The following PSMA1 variants were observed in gnomAD, a reference collection of about 807,000 sequenced individuals.
PSMA1 encodes proteasome subunit alpha type-1.
In PSMA1, 3 loss-of-function variants were observed where a neutral mutation model predicts 38.4. The ratio of observed to expected loss-of-function variants is 0.08; its 90% CI spans 0.04 to 0.20. The LOEUF (loss-of-function observed/expected upper bound fraction) is 0.20, where lower values mean the gene tolerates loss of function less well. Ranked by LOEUF, PSMA1 falls within the 10% of genes least tolerant of loss-of-function variation. PSMA1 has a pLI of 1.00. For missense variants in PSMA1, 227 were observed against 325.3 expected (o/e 0.70, Z 2.32); for synonymous variants, 101 against 107.1 (o/e 0.94, Z 0.35).
At chr11:14,559,437 G>A (rs1289555960) in intron 2 of PSMA1, among the ~76,000 whole-genome samples, 1 of 152,206 alleles carries the variant, frequency 6.6e-6, no homozygotes, top group African/African-American at 2.4e-5. Flanking sequence ...ACAACCCTCA[G>A]CATCCGGAAC....
chr11:14,520,492 G>C (rs1190640577), upstream of PSMA1: 1 of 1,446,584 alleles, frequency 6.9e-7, no homozygotes, highest in Non-Finnish European at 9.1e-7. Context: ...CCGACCGCTC[G>C]GCGGCGGGCG....
intron 2 of PSMA1, among the ~76,000 whole-genome samples, chr11:14,552,115 T>C (rs1160879143): frequency 6.6e-6 from 1 of 152,186 alleles, no homozygotes; most frequent in Non-Finnish European, 1.5e-5. Flanking sequence ...GGAAAGAGGC[T>C]TCTCTAGGAG....
chr11:14,624,946 A>G (rs910225415), intron 1 of PSMA1, among the ~76,000 whole-genome samples: 1 of 152,154 alleles, frequency 6.6e-6, no homozygotes, highest in African/African-American at 2.4e-5. Context: ...GAGGACTTGG[A>G]ATGGATAATA....
intron 2 of PSMA1, among the ~76,000 whole-genome samples, chr11:14,528,430 C>G (rs1418537919): frequency 6.6e-6 from 1 of 152,068 alleles, no homozygotes; most frequent in African/African-American, 2.4e-5. Flanking sequence ...AACAACCCCA[C>G]AATATCACCC....
At chr11:14,541,054 G>A (rs1204290206) in intron 2 of PSMA1, among the ~76,000 whole-genome samples, 1 of 152,006 alleles carries the variant, frequency 6.6e-6, no homozygotes, top group African/African-American at 2.4e-5. Context: ...AAACCTGCAC[G>A]TTGTGAACAT....
At chr11:14,611,545 T>C (rs1590010450) in intron 1 of PSMA1, among the ~76,000 whole-genome samples, 1 of 152,196 alleles carries the variant, frequency 6.6e-6, no homozygotes, top group Admixed American at 6.5e-5. Context: ...TGTTTCTCAG[T>C]TTTTAGAGTA....
At chr11:14,582,504 C>T (rs1852293882) in intron 2 of PSMA1, among the ~76,000 whole-genome samples, 1 of 151,796 alleles carries the variant, frequency 6.6e-6, no homozygotes, top group Non-Finnish European at 1.5e-5. Context: ...AGCAAATATC[C>T]ACTTCATACA....
chr11:14,523,084 A>C (rs1851546787), upstream of PSMA1, among the ~76,000 whole-genome samples: 1 of 152,170 alleles, frequency 6.6e-6, no homozygotes, highest in South Asian at 2.1e-4. Flanking sequence ...TATTCACAGC[A>C]ATTGTCTGTA....
intron 2 of PSMA1, among the ~76,000 whole-genome samples, chr11:14,566,216 A>G (rs1852069591): frequency 6.6e-6 from 1 of 152,234 alleles, no homozygotes; most frequent in Non-Finnish European, 1.5e-5. Flanking sequence ...AGGCTTTAAA[A>G]TAATCACTCT....
chr11:14,597,535 G>C (rs1211002100), intron 2 of PSMA1, among the ~76,000 whole-genome samples: 2 of 152,188 alleles, frequency 1.3e-5, no homozygotes, highest in Non-Finnish European at 2.9e-5. Flanking sequence ...TTTGCGTAGA[G>C]GTGTTTATAG....
intron 1 of PSMA1, among the ~76,000 whole-genome samples, chr11:14,628,438 T>C (rs966520584): frequency 6.7e-6 from 1 of 149,896 alleles, no homozygotes; most frequent in African/African-American, 2.5e-5. Flanking sequence ...GTTCTTGCGA[T>C]AGTTTACTGA....
chr11:14,619,058 T>C (rs997871531), intron 1 of PSMA1, among the ~76,000 whole-genome samples: 1 of 152,216 alleles, frequency 6.6e-6, no homozygotes, highest in African/African-American at 2.4e-5. Flanking sequence ...TTAAGCACTG[T>C]GCTAGAAATT....
chr11:14,547,089 T>C (rs1303345321), intron 2 of PSMA1, among the ~76,000 whole-genome samples: 2 of 152,186 alleles, frequency 1.3e-5, no homozygotes, highest in Non-Finnish European at 2.9e-5. Context: ...ACAAATACAG[T>C]AAAATAATAT....
chr11:14,506,039 T>G (rs1053836370), intron 9 of PSMA1, among the ~76,000 whole-genome samples: 1 of 152,046 alleles, frequency 6.6e-6, no homozygotes, highest in Non-Finnish European at 1.5e-5. Flanking sequence ...AACTAGTCTA[T>G]TTATGTGTTA....
rs536116499 is a variant in PSMA1 at position 14,599,676 on chromosome 11, G to A, written c.21+11290C>T. ...CAAGGTTTTTAGCTTCCTCGAGATG[G>A]GTTTGAACATCCTCCTTTACCTCGG... On this transcript the variant is annotated intron_variant, in intron 2 of 10. Coordinates refer to the PSMA1 transcript ENST00000418988. Among the ~76,000 whole-genome samples, 7 of 152,172 alleles carry A rather than the reference G, an allele frequency of 4.6e-5. No homozygotes were observed. The East Asian group carries it at 1.4e-3, about 29-fold the overall frequency.
intron 2 of PSMA1, among the ~76,000 whole-genome samples, chr11:14,595,801 T>A (rs1590003698): frequency 1.3e-5 from 2 of 152,314 alleles, no homozygotes; most frequent in Non-Finnish European, 1.5e-5. Flanking sequence ...GGTGTTTTAG[T>A]CATGAAGTCC....
intron 1 of PSMA1, among the ~76,000 whole-genome samples, chr11:14,627,383 G>A (rs1000160176): frequency 3.9e-5 from 6 of 152,058 alleles, no homozygotes; most frequent in Admixed American, 6.5e-5. Flanking sequence ...GTCCCATCTC[G>A]GGTTTAATGA....
At chr11:14,549,154 G>T (rs1029473730) in intron 2 of PSMA1, among the ~76,000 whole-genome samples, 3 of 151,986 alleles carry the variant, frequency 2.0e-5, no homozygotes, top group African/African-American at 4.8e-5. Flanking sequence ...GTGCTTATAG[G>T]TTGCTGTTAA....
At chr11:14,554,865 T>C (rs1565043566) in intron 2 of PSMA1, among the ~76,000 whole-genome samples, 1 of 152,242 alleles carries the variant, frequency 6.6e-6, no homozygotes, top group Non-Finnish European at 1.5e-5. Flanking sequence ...ATGAGAAGAC[T>C]GAGTACAAAG....
Sources: allele counts gnomAD v4.1 joint callset (sites outside exome capture counted in the v4.1 genomes callset), GRCh38; gene constraint gnomAD v4.1.1; transcripts MANE v1.5; gene names NCBI Gene and HGNC (gene_info 2026-07-23, HGNC 2026-07-21).